Variants in CCSER1 observed in about 807,000 individuals in gnomAD.
CCSER1 encodes coiled-coil serine rich protein 1.
A neutral mutation model predicts 82.0 loss-of-function variants in CCSER1; 41 were observed. That is an observed-to-expected ratio of 0.50 (90% CI 0.39 to 0.65). The LOEUF is 0.65. Ranked by LOEUF, CCSER1 falls within the 30% of genes least tolerant of loss-of-function variation. The pLI is 0.00. For missense variants in CCSER1, 1,119 were observed against 1,064.2 expected (o/e 1.05, Z -0.72); for synonymous variants, 414 against 383.9 (o/e 1.08, Z -0.92).
At chr4:91,373,277 T>C (rs929427825) in intron 10 of CCSER1, among the ~76,000 whole-genome samples, 19 of 152,298 alleles carry the variant, frequency 1.2e-4, no homozygotes, top group African/African-American at 4.3e-4. Context: ...CTTTTCTTTG[T>C]TGCACTTTGC....
chr4:91,245,842 A>G (rs558918564), intron 10 of CCSER1, among the ~76,000 whole-genome samples: 6 of 152,256 alleles, frequency 3.9e-5, no homozygotes, highest in Non-Finnish European at 7.4e-5. Flanking sequence ...GATTACAGGC[A>G]TGTGCCACGA....
chr4:90,783,983 A>G (rs1192014391), intron 7 of CCSER1, among the ~76,000 whole-genome samples: 1 of 152,218 alleles, frequency 6.6e-6, no homozygotes, highest in Non-Finnish European at 1.5e-5. Flanking sequence ...AAAAAAAGAA[A>G]AAAAACTCAT....
At chr4:90,192,093 G>A (rs1252826507) in intron 1 of CCSER1, among the ~76,000 whole-genome samples, 1 of 152,028 alleles carries the variant, frequency 6.6e-6, no homozygotes, top group African/African-American at 2.4e-5. Context: ...ATTTTCAAAG[G>A]AAAGAGGTTT....
chr4:91,369,626 C>G (rs116456681), intron 10 of CCSER1, among the ~76,000 whole-genome samples: 4 of 140,190 alleles, frequency 2.9e-5, no homozygotes, highest in African/African-American at 5.1e-5. Flanking sequence ...CCTTCAAATA[C>G]ATTAACAAGG....
chr4:91,435,883 A>G (rs1223763432), intron 10 of CCSER1, among the ~76,000 whole-genome samples: 1 of 152,208 alleles, frequency 6.6e-6, no homozygotes, highest in Non-Finnish European at 1.5e-5. Context: ...ACTATGTTGT[A>G]CAAAACTGTG....
intron 10 of CCSER1, among the ~76,000 whole-genome samples, chr4:91,342,248 C>A (rs1458575462): frequency 1.3e-5 from 2 of 152,126 alleles, no homozygotes; most frequent in African/African-American, 4.8e-5. Flanking sequence ...TTCACAGTGT[C>A]CCACAGTTAA....
chr4:91,394,591 A>G (rs1260746629), intron 10 of CCSER1, among the ~76,000 whole-genome samples: 2 of 152,064 alleles, frequency 1.3e-5, no homozygotes, highest in Non-Finnish European at 2.9e-5. Flanking sequence ...AGAATCTTCA[A>G]CTAGATCCCA....
chr4:90,159,424 A>C (rs1041538609), intron 1 of CCSER1, among the ~76,000 whole-genome samples: 11 of 152,192 alleles, frequency 7.2e-5, no homozygotes, highest in Admixed American at 7.2e-4. Flanking sequence ...TGGTGAGGTC[A>C]TATTCTGACA....
At chr4:90,328,693 C>G (rs1738669233) in intron 3 of CCSER1, among the ~76,000 whole-genome samples, 1 of 152,054 alleles carries the variant, frequency 6.6e-6, no homozygotes, top group African/African-American at 2.4e-5. Context: ...CAGATGTTGC[C>G]CACTTCTGCC....
chr4:90,725,699 AAC>A (rs1201114001), intron 7 of CCSER1, among the ~76,000 whole-genome samples: 1 of 151,752 alleles, frequency 6.6e-6, no homozygotes, highest in Non-Finnish European at 1.5e-5. Context: ...ATGTTACATA[AAC>A]ACAAAATATA....
At chr4:90,696,200 G>T (rs1418421315) in intron 6 of CCSER1, among the ~76,000 whole-genome samples, 1 of 152,056 alleles carries the variant, frequency 6.6e-6, no homozygotes, top group Non-Finnish European at 1.5e-5. Context: ...AATGTCTATA[G>T]ATTTTTCACC....
At chr4:91,498,022 G>A (rs1056725875) in intron 10 of CCSER1, among the ~76,000 whole-genome samples, 1 of 151,992 alleles carries the variant, frequency 6.6e-6, no homozygotes, top group African/African-American at 2.4e-5. Flanking sequence ...CAAAACCACT[G>A]TGAACAGATG....
chr4:90,345,415 G>A (rs1484005081), intron 3 of CCSER1, among the ~76,000 whole-genome samples: 1 of 152,060 alleles, frequency 6.6e-6, no homozygotes, highest in Non-Finnish European at 1.5e-5. Context: ...TGTAGCAGAA[G>A]TTTATTGTTG....
intron 10 of CCSER1, among the ~76,000 whole-genome samples, chr4:91,168,543 C>G (rs1732409560): frequency 6.7e-6 from 1 of 149,826 alleles, no homozygotes; most frequent in Non-Finnish European, 1.5e-5. Context: ...AGGAGTGCCT[C>G]TGCCCGGCTG....
At chr4:91,375,480 A>C (rs1172187130) in intron 10 of CCSER1, among the ~76,000 whole-genome samples, 1 of 152,082 alleles carries the variant, frequency 6.6e-6, no homozygotes, top group African/African-American at 2.4e-5. Flanking sequence ...ATTTTTCATG[A>C]AAGGAAGTGT....
chr4:90,734,297 T>G (rs1745293989), intron 7 of CCSER1, among the ~76,000 whole-genome samples: 1 of 152,090 alleles, frequency 6.6e-6, no homozygotes, highest in Middle Eastern at 3.4e-3. Context: ...GGCTAATTTT[T>G]TGTATTTTTA....
At chr4:91,206,253 C>T (rs751609930) in intron 10 of CCSER1, among the ~76,000 whole-genome samples, 3 of 151,908 alleles carry the variant, frequency 2.0e-5, no homozygotes, top group Non-Finnish European at 2.9e-5. Flanking sequence ...GAAGAAAAGA[C>T]TCACAAGTTT....
chr4:90,410,140 A>T (rs1253027022), intron 4 of CCSER1, among the ~76,000 whole-genome samples: 1 of 152,226 alleles, frequency 6.6e-6, no homozygotes, highest in Non-Finnish European at 1.5e-5. Flanking sequence ...GCAAGTACTT[A>T]GTGACCTACA....
intron 9 of CCSER1, among the ~76,000 whole-genome samples, chr4:90,940,199 C>A (rs1731426347): frequency 2.0e-5 from 3 of 152,082 alleles, no homozygotes; most frequent in Non-Finnish European, 4.4e-5. Flanking sequence ...TAACTGCAGA[C>A]AAGAAAAGGT....
Sources: allele counts gnomAD v4.1 joint callset (sites outside exome capture counted in the v4.1 genomes callset), GRCh38; gene constraint gnomAD v4.1.1; transcripts MANE v1.5; gene names NCBI Gene and HGNC (gene_info 2026-07-23, HGNC 2026-07-21).